The following RAB38 variants were observed in gnomAD, a reference collection of about 807,000 sequenced individuals.
The protein encoded by RAB38 is RAB38, member RAS oncogene family, also known as ras-related protein Rab-38.
In RAB38, 15 loss-of-function variants were observed where a neutral mutation model predicts 18.4. The ratio of observed to expected loss-of-function variants is 0.82; its 90% CI spans 0.55 to 1.26. The LOEUF is 1.26. Ranked by LOEUF, RAB38 falls within the 50% of genes most tolerant of loss-of-function variation. RAB38 has a pLI of 0.00. For synonymous variants in RAB38, 101 were observed against 104.4 expected (o/e 0.97, Z 0.20); for missense variants, 294 against 267.4 (o/e 1.10, Z -0.69).
the RAB38 span, among the ~76,000 whole-genome samples, chr11:88,008,365 A>G: frequency 6.6e-6 from 1 of 152,208 alleles, no homozygotes; most frequent in East Asian, 1.9e-4. Flanking sequence ...AACAAAAAAG[A>G]AAATGATGTG....
the RAB38 span, among the ~76,000 whole-genome samples, chr11:88,043,475 G>A: frequency 6.6e-6 from 1 of 152,104 alleles, no homozygotes; most frequent in Non-Finnish European, 1.5e-5. Context: ...CAGATGGCCT[G>A]AAGTAACAGA....
the RAB38 span, chr11:87,817,666 A>G: frequency 3.9e-5 from 6 of 152,140 alleles, no homozygotes; most frequent in Non-Finnish European, 8.8e-5. Context: ...GAAAAACTTC[A>G]TTAATTGTTA....
chr11:88,101,001 A>G, the RAB38 span, among the ~76,000 whole-genome samples: 6 of 151,974 alleles, frequency 3.9e-5, no homozygotes, highest in African/African-American at 1.4e-4. Flanking sequence ...TATAAGTTTA[A>G]TCTGTTCTCC....
intron 2 of RAB38, among the ~76,000 whole-genome samples, chr11:88,127,817 T>C (rs1007785262): frequency 6.6e-6 from 1 of 152,172 alleles, no homozygotes; most frequent in Non-Finnish European, 1.5e-5. Context: ...ACCTCCTAGG[T>C]GGCTCCTAAC....
the RAB38 span, among the ~76,000 whole-genome samples, chr11:87,870,946 A>T: frequency 2.0e-5 from 3 of 151,676 alleles, no homozygotes; most frequent in African/African-American, 7.3e-5. Context: ...TTTATATCAC[A>T]CATAGCATTA....
intron 2 of RAB38, among the ~76,000 whole-genome samples, chr11:88,136,335 G>A (rs528956567): frequency 2.0e-5 from 3 of 152,270 alleles, no homozygotes; most frequent in South Asian, 4.1e-4. Flanking sequence ...GGGAGGGTAG[G>A]ACTGTCATCC....
At chr11:88,033,278 G>A in the RAB38 span, among the ~76,000 whole-genome samples, 2 of 152,068 alleles carry the variant, frequency 1.3e-5, no homozygotes, top group South Asian at 4.1e-4. Flanking sequence ...CCTAATGCTA[G>A]ATGACGAGTT....
the RAB38 span, among the ~76,000 whole-genome samples, chr11:88,013,651 G>A: frequency 6.6e-6 from 1 of 152,032 alleles, no homozygotes; most frequent in Non-Finnish European, 1.5e-5. Flanking sequence ...ACTCAAAGAA[G>A]GACTCATCAG....
At chr11:88,124,521 A>G (rs1441553943) in intron 2 of RAB38, among the ~76,000 whole-genome samples, 1 of 152,182 alleles carries the variant, frequency 6.6e-6, no homozygotes, top group East Asian at 1.9e-4. Flanking sequence ...ACACATGAAA[A>G]AATGCTCATC....
chr11:88,057,036 C>T, the RAB38 span, among the ~76,000 whole-genome samples: 1 of 152,232 alleles, frequency 6.6e-6, no homozygotes, highest in East Asian at 1.9e-4. Context: ...CAAGACTGAC[C>T]TGATCCCTTC....
chr11:88,101,007 T>G, the RAB38 span, among the ~76,000 whole-genome samples: 3 of 151,964 alleles, frequency 2.0e-5, no homozygotes, highest in Non-Finnish European at 4.4e-5. Context: ...TTTAATCTGT[T>G]CTCCTATTGA....
the RAB38 span, among the ~76,000 whole-genome samples, chr11:87,913,159 T>G: frequency 4.6e-5 from 7 of 152,032 alleles, no homozygotes; most frequent in Non-Finnish European, 1.0e-4. Context: ...TAATGCATTT[T>G]CTACTATGGT....
At chr11:87,812,814 G>C in the RAB38 span, among the ~76,000 whole-genome samples, 3 of 152,162 alleles carry the variant, frequency 2.0e-5, no homozygotes, top group South Asian at 6.2e-4. Flanking sequence ...AGGAATTTAG[G>C]TCAGCAGTGA....
the RAB38 span, among the ~76,000 whole-genome samples, chr11:87,954,460 CAGAAAGATAGAAAA>C: frequency 4.6e-5 from 7 of 152,144 alleles, no homozygotes; most frequent in South Asian, 1.0e-3. Flanking sequence ...TGTGTTGTCA[CAGAAAGATAGAAAA>C]AGAAAGATTT....
chr11:88,075,964 CA>C, the RAB38 span, among the ~76,000 whole-genome samples: 1 of 147,620 alleles, frequency 6.8e-6, no homozygotes, highest in Non-Finnish European at 1.5e-5. Context: ...GGGAATAAAC[CA>C]AACTCAAAAA....
At chr11:87,939,413 C>CACAT in the RAB38 span, among the ~76,000 whole-genome samples, 1 of 148,868 alleles carries the variant, frequency 6.7e-6, no homozygotes, top group South Asian at 2.2e-4. Context: ...CACACACACA[C>CACAT]TCCTTGACAT....
chr11:88,064,190 ATG>A, the RAB38 span, among the ~76,000 whole-genome samples: 1 of 152,192 alleles, frequency 6.6e-6, no homozygotes, highest in Non-Finnish European at 1.5e-5. Context: ...GAGATGGTGA[ATG>A]TGTTCAAGGT....
the RAB38 span, among the ~76,000 whole-genome samples, chr11:87,831,099 G>C: frequency 1.3e-5 from 2 of 152,134 alleles, no homozygotes; most frequent in South Asian, 4.1e-4. Flanking sequence ...GAGCTACCGT[G>C]CCTAGCTGGA....
the RAB38 span, among the ~76,000 whole-genome samples, chr11:88,090,731 G>C: frequency 6.6e-6 from 1 of 151,954 alleles, no homozygotes; most frequent in African/African-American, 2.4e-5. Context: ...AAACCTGGTA[G>C]CACCCAAGTG....
Sources: gnomAD v4.1 joint callset for allele counts (sites outside exome capture counted in the v4.1 genomes callset) on GRCh38, gnomAD v4.1.1 for gene constraint, MANE v1.5 for transcripts, NCBI Gene and HGNC (gene_info 2026-07-23, HGNC 2026-07-21) for gene names.